The following KRABD4 variants were observed in gnomAD, a reference collection of about 807,000 sequenced individuals.
The protein encoded by KRABD4 is KRAB domain containing 4.
the KRABD4 span, chrX:46,457,205 C>T: frequency 4.3e-6 from 1 of 234,663 alleles, no homozygotes; most frequent in Non-Finnish European, 8.0e-6. Flanking sequence ...TCATCCTTCT[C>T]TGCCATGCCA....
chrX:46,456,335 T>C, the KRABD4 span: 1 of 107,781 alleles, frequency 9.3e-6, no homozygotes, highest in Admixed American at 1.0e-4. Context: ...AATTTATTAA[T>C]TATTATAAAT....
the KRABD4 span, chrX:46,463,365 A>T: frequency 5.7e-5 from 59 of 1,038,901 alleles, no homozygotes; most frequent in African/African-American, 1.0e-3. Flanking sequence ...GGCCTCTGGG[A>T]TGTGCTCAGG....
chrX:46,473,477 G>A, the KRABD4 span: 1 of 959,758 alleles, frequency 1.0e-6, no homozygotes. Flanking sequence ...TTAAACATCA[G>A]ATAATTCATA....
the KRABD4 span, chrX:46,472,845 G>A: frequency 1.5e-5 from 18 of 1,211,666 alleles, no homozygotes; most frequent in Admixed American, 3.9e-4. Context: ...AACACTGAAG[G>A]ATGAAAGCGG....
At chrX:46,473,654 T>A in the KRABD4 span, 2 of 165,251 alleles carry the variant, frequency 1.2e-5, no homozygotes, top group Non-Finnish European at 9.7e-6. Context: ...AATCAGTGAA[T>A]CTTTTTTTTT....
chrX:46,463,462 G>T, the KRABD4 span: 15 of 532,427 alleles, frequency 2.8e-5, no homozygotes, highest in East Asian at 4.0e-4. Context: ...CCTCTGCCTG[G>T]CCGCCGGTTA....
chrX:46,464,873 A>G, the KRABD4 span, among the ~76,000 whole-genome samples: 1 of 112,103 alleles, frequency 8.9e-6, no homozygotes, highest in Admixed American at 9.4e-5. Flanking sequence ...CTAAGAGTGC[A>G]GAACAGTATA....
the KRABD4 span, chrX:46,462,668 A>C: frequency 8.3e-7 from 1 of 1,204,996 alleles, no homozygotes; most frequent in Admixed American, 2.2e-5. Context: ...GCACAGAGTA[A>C]GCCCTCCGTG....
chrX:46,463,517 C>G, the KRABD4 span: 2 of 466,050 alleles, frequency 4.3e-6, no homozygotes, highest in Admixed American at 6.3e-5. Flanking sequence ...ATTGTGGCCA[C>G]TTGTTCTGAG....
chrX:46,455,755 A>G, the KRABD4 span: 2 of 379,031 alleles, frequency 5.3e-6, no homozygotes, highest in Admixed American at 6.6e-5. Flanking sequence ...TTGGATAAAC[A>G]CTGGTACTGA....
At chrX:46,459,941 G>A in the KRABD4 span, among the ~76,000 whole-genome samples, 4 of 111,836 alleles carry the variant, frequency 3.6e-5, no homozygotes, top group African/African-American at 9.8e-5. Context: ...TGGAGTTAGC[G>A]TGAGCTCCCA....
the KRABD4 span, chrX:46,456,783 G>C: frequency 2.9e-6 from 1 of 342,449 alleles, no homozygotes; most frequent in Admixed American, 4.6e-5. Context: ...CAGGATACTG[G>C]AATCAAGTAG....
chrX:46,461,783 T>G, the KRABD4 span, among the ~76,000 whole-genome samples: 143 of 111,776 alleles, frequency 1.3e-3, no homozygotes, highest in Non-Finnish European at 2.1e-3. Context: ...ATTAGCTATG[T>G]TTAGAACTGT....
chrX:46,461,352 A>T, the KRABD4 span, among the ~76,000 whole-genome samples: 80 of 110,670 alleles, frequency 7.2e-4, 1 homozygote, highest in Non-Finnish European at 1.4e-3. Context: ...CCTAGCACTC[A>T]GCAGTGTGGT....
At chrX:46,473,099 G>A in the KRABD4 span, 17 of 1,193,105 alleles carry the variant, frequency 1.4e-5, no homozygotes, top group Non-Finnish European at 1.8e-5. Context: ...CCTAATCAAC[G>A]AGGGAAAGCC....
At chrX:46,462,906 T>C in the KRABD4 span, 1 of 1,210,097 alleles carries the variant, frequency 8.3e-7, no homozygotes, top group Non-Finnish European at 1.1e-6. Context: ...TGATGCAGAA[T>C]GCCTCCAGTA....
At chrX:46,465,271 G>A in the KRABD4 span, among the ~76,000 whole-genome samples, 1 of 112,987 alleles carries the variant, frequency 8.9e-6, no homozygotes, top group Non-Finnish European at 1.9e-5. Context: ...ACTTGTTCCA[G>A]TGTGGGACTG....
At chrX:46,470,310 G>T in the KRABD4 span, among the ~76,000 whole-genome samples, 6 of 110,819 alleles carry the variant, frequency 5.4e-5, no homozygotes, top group East Asian at 1.7e-3. Flanking sequence ...TACTACAAAG[G>T]TCCCTCATAC....
At chrX:46,447,750 CAG>C in the KRABD4 span, among the ~76,000 whole-genome samples, 2 of 112,176 alleles carry the variant, frequency 1.8e-5, no homozygotes, top group African/African-American at 6.5e-5. Flanking sequence ...GAAAATGGCT[CAG>C]TGTGGCTTGA....
Sources: allele counts gnomAD v4.1 joint callset (sites outside exome capture counted in the v4.1 genomes callset), GRCh38; gene constraint gnomAD v4.1.1; transcripts MANE v1.5; gene names NCBI Gene and HGNC (gene_info 2026-07-23, HGNC 2026-07-21).